The following PGAP1 variants were observed in gnomAD, a reference collection of about 807,000 sequenced individuals.
PGAP1 encodes post-GPI attachment to proteins inositol deacylase 1.
PGAP1 carries 76 observed loss-of-function variants against 127.0 expected under a neutral mutation model. The observed-to-expected ratio is 0.60, with a 90% CI of 0.50 to 0.72. The LOEUF is 0.72. Among genes scored for constraint, PGAP1 ranks in the 30% least tolerant of loss-of-function variants. The probability of loss-of-function intolerance (pLI) is 0.00; values close to 1 mark genes in which losing one functional copy is unlikely to be tolerated. For missense variants in PGAP1, 982 were observed against 1,071.3 expected (o/e 0.92, Z 1.16); for synonymous variants, 362 against 366.5 (o/e 0.99, Z 0.14).
chr2:196,887,326 G>A (rs1701945120), intron 10 of PGAP1, among the ~76,000 whole-genome samples: 1 of 152,180 alleles, frequency 6.6e-6, no homozygotes, highest in Non-Finnish European at 1.5e-5. Flanking sequence ...GGAGCTTGCA[G>A]TGAGCCGAGA....
At chr2:196,902,965 G>T (rs940407625) in intron 4 of PGAP1, among the ~76,000 whole-genome samples, 1 of 151,768 alleles carries the variant, frequency 6.6e-6, no homozygotes, top group East Asian at 1.9e-4. Context: ...AGTTACTAAA[G>T]GTATCAATTA....
chr2:196,879,924 T>G lies in PGAP1; in HGVS notation c.1350+152A>C, dbSNP rs541431935. 6.3e-5 allele frequency: 36 copies of G among 571,874 alleles called. No individual in the cohort carries two copies. In the African/African-American group the frequency reaches 6.4e-4, roughly 10 times the overall value. The allele number at this position is 571,874 out of a possible 1,614,324, so 35.4% of individuals were successfully genotyped here. A position where few individuals can be genotyped will look rare whatever the true frequency, so the allele number is the denominator to read the frequency against. ...TCATTCTGCTTAGTTCAAGTTAGAG[T>G]AGATGATCCTAATAATTTAACAGTC... On this transcript the variant is annotated intron_variant, in intron 13 of 26. Coordinates refer to ENST00000354764, the MANE Select transcript of PGAP1 (RefSeq NM_024989.4).
intron 1 of PGAP1, among the ~76,000 whole-genome samples, 169 bp downstream of exon 1, chr2:196,926,301 G>C (rs1576214584): frequency 6.6e-6 from 1 of 151,754 alleles, no homozygotes; most frequent in Non-Finnish European, 1.5e-5. Flanking sequence ...GGAGGTGAGG[G>C]GGGCAGAAGG....
In PGAP1 at chr2:196,911,941, A is replaced by G. The variant is rs562392224; in HGVS notation, c.649+941T>C. Among the ~76,000 whole-genome samples, 3 of 152,344 alleles carry G rather than the reference A, an allele frequency of 2.0e-5. No homozygotes were observed. In the East Asian group the frequency reaches 5.8e-4, roughly 29 times the overall value. On this transcript the variant is annotated intron_variant, in intron 4 of 26. Transcript: ENST00000354764. The stretch of plus-strand genomic sequence containing the variant: ...TACTTCAATTAAGAGGCAGTACAGC[A>G]TGCAAAGGTTAAGAGCACAAGCCCA...
At chr2:196,850,598 C>T (rs1376683904) in intron 20 of PGAP1, among the ~76,000 whole-genome samples, 1 of 151,644 alleles carries the variant, frequency 6.6e-6, no homozygotes, top group Admixed American at 6.6e-5. Context: ...TCTTGTTTAG[C>T]CACATGTAGG....
intron 1 of PGAP1, 55 bp from the exon 2 acceptor site, chr2:196,920,205 C>A: frequency 5.4e-6 from 8 of 1,483,946 alleles, no homozygotes; most frequent in Non-Finnish European, 7.3e-6. Context: ...TACAATTCAG[C>A]CTCACCATAT....
chr2:196,880,910 T>C (rs1225198659), intron 12 of PGAP1, among the ~76,000 whole-genome samples: 1 of 152,190 alleles, frequency 6.6e-6, no homozygotes, highest in South Asian at 2.1e-4. Flanking sequence ...TGTGCAAATT[T>C]GTTACACAGG....
Position 196,880,284 on chromosome 2 carries a change from T to C in PGAP1, c.1273-131A>G, listed in dbSNP as rs796229109. The C allele has an allele frequency of 1.1e-4, 58 of 535,266 alleles. No individual in the cohort carries two copies. In the African/African-American group the frequency reaches 1.1e-3, roughly 10 times the overall value. The allele number at this position is 535,266 out of a possible 1,614,324, so 33.2% of individuals were successfully genotyped here. ...CAGGCTTCCAATTTATGTTCAGTAC[T>C]TCATAAAATGCCCATGTTTACATTT... On this transcript the variant is annotated intron_variant, in intron 12 of 26. Transcript: ENST00000354764.
At chr2:196,862,706 A>G (rs1261792477) in intron 20 of PGAP1, among the ~76,000 whole-genome samples, 5 of 152,188 alleles carry the variant, frequency 3.3e-5, no homozygotes, top group Non-Finnish European at 5.9e-5. Context: ...GGGAAAATAG[A>G]AAAGAACCTA....
chr2:196,893,666 C>T (rs1702176573), intron 7 of PGAP1, among the ~76,000 whole-genome samples: 1 of 152,152 alleles, frequency 6.6e-6, no homozygotes, highest in Non-Finnish European at 1.5e-5. Flanking sequence ...GTACTGATTT[C>T]CAAATTCAGA....
In PGAP1 at chr2:196,839,815, C is replaced by T. The variant is rs1700354438; in HGVS notation, c.*1419G>A. The T allele has an allele frequency of 6.6e-6, 1 of 152,128 alleles. No individual in the cohort carries two copies. Among genetic ancestry groups the T allele is most frequent in the Non-Finnish European group, 1.5e-5 (1 of 68,024 alleles). The allele number at this position is 152,128 out of a possible 1,614,324, so 9.4% of individuals were successfully genotyped here. ...TGGCAGATAAAATAAAACTGGTGCT[C>T]GAGGACATCCCTGGGTACTAACAAG... On this transcript the variant is annotated 3_prime_UTR_variant, in exon 27 of 27. Transcript: ENST00000354764.
intron 4 of PGAP1, among the ~76,000 whole-genome samples, chr2:196,911,770 A>G (rs376403143): frequency 6.6e-6 from 1 of 152,156 alleles, no homozygotes; most frequent in Admixed American, 6.5e-5. Flanking sequence ...TTTTTTTAAC[A>G]ATAAGTTGAG....
chr2:196,842,801 A>T lies in PGAP1; in HGVS notation c.2550T>A (p.Asp850Glu). The part of the protein sequence containing the change: ...NLRYYFKLNP[D>E]PCKPLAFILI... ...GGATAAATGCCAAAGGTTTACATGG[A>T]TCAGGATTAAGTTTAAAATAATACC... The change falls in exon 26 of 27, where the codon GAT becomes GAA. Residue 850 changes from aspartate to glutamate, a missense_variant. Physicochemically the swap from Asp to Glu is conservative, Grantham distance 45 (BLOSUM62 2). Transcript: ENST00000354764. 6.4e-7 allele frequency: 1 copy of T among 1,569,430 alleles called. No individual in the cohort carries two copies. The highest frequency in any genetic ancestry group is 8.7e-7 in the Non-Finnish European group (1 of 1,150,806).
chr2:196,905,839 CG>C (rs1299422060), intron 4 of PGAP1, among the ~76,000 whole-genome samples: 1 of 122,370 alleles, frequency 8.2e-6, no homozygotes, highest in Non-Finnish European at 1.7e-5. Flanking sequence ...AAAGGGGTGA[CG>C]GACGCACCTG....
In PGAP1 at chr2:196,873,039, T is replaced by A; in HGVS notation, c.1553-13A>T. 1.3e-6 allele frequency: 1 copy of A among 749,080 alleles called. No homozygotes were observed. The allele number at this position is 749,080 out of a possible 1,614,324, so 46.4% of individuals were successfully genotyped here. On this transcript the variant is annotated splice_polypyrimidine_tract_variant and intron_variant, in intron 16 of 26. Coordinates refer to ENST00000354764, the MANE Select transcript of PGAP1 (RefSeq NM_024989.4). The stretch of plus-strand genomic sequence containing the variant: ...CTGGTTATTTCTTCTGTTAAAACAT[T>A]TAAAAAATGTATTATTAACAACATG...
intron 4 of PGAP1, among the ~76,000 whole-genome samples, chr2:196,907,146 T>C (rs1576189428): frequency 5.4e-5 from 1 of 18,358 alleles, no homozygotes; most frequent in East Asian, 1.8e-3. Flanking sequence ...AGACACATAA[T>C]TGTCAGATTC....
intron 10 of PGAP1, 73 bp from the exon 11 acceptor site, chr2:196,885,953 T>G: frequency 9.8e-7 from 1 of 1,021,162 alleles, no homozygotes; most frequent in Non-Finnish European, 1.3e-6. Flanking sequence ...AACACCCATT[T>G]TCAACACTTT....
chr2:196,856,279 A>G (rs1700880064), intron 20 of PGAP1, among the ~76,000 whole-genome samples: 2 of 152,140 alleles, frequency 1.3e-5, no homozygotes, highest in South Asian at 4.1e-4. Flanking sequence ...AGCCTCCCCA[A>G]AGTGCTGGGA....
intron 12 of PGAP1, among the ~76,000 whole-genome samples, chr2:196,882,473 T>C (rs1366843179): frequency 6.6e-6 from 1 of 152,260 alleles, no homozygotes; most frequent in Non-Finnish European, 1.5e-5. Context: ...TGATTCTTCC[T>C]ATCCATGGTC....
Sources: allele counts gnomAD v4.1 joint callset (sites outside exome capture counted in the v4.1 genomes callset), GRCh38; gene constraint gnomAD v4.1.1; transcripts MANE v1.5; gene names NCBI Gene and HGNC (gene_info 2026-07-23, HGNC 2026-07-21).